Variants in SEC14L5 observed in about 807,000 individuals in gnomAD.
SEC14L5 encodes the protein SEC14 like lipid binding 5, also known as SEC14-like protein 5.
Under a neutral mutation model 84.6 loss-of-function variants are expected in SEC14L5, and 96 were observed. The observed-to-expected ratio is 1.13, with a 90% CI of 0.96 to 1.34. The LOEUF (loss-of-function observed/expected upper bound fraction) is 1.34, where lower values mean the gene tolerates loss of function less well. Among genes scored for constraint, SEC14L5 ranks in the 40% most tolerant of loss-of-function variants. The pLI is 0.00. For missense variants in SEC14L5, 1,224 were observed against 942.5 expected, an observed-to-expected ratio of 1.30 and a Z score of -3.91; for synonymous variants, 546 against 383.4, an observed-to-expected ratio of 1.42 and a Z score of -4.95.
rs1017571744 is a variant in SEC14L5, at chr16:4,972,642, C to T, written c.63+13256C>T. The stretch of plus-strand genomic sequence containing the variant: ...GGACACAATGTCTTCCAGGTTCAGC[C>T]GTGTCGTGGCAGGTGCCAGGTGCCT... On this transcript the variant is annotated intron_variant, in intron 2 of 15. Transcript: ENST00000251170. Among the ~76,000 whole-genome samples, 8 of 152,334 alleles carry T rather than the reference C, an allele frequency of 5.3e-5. No individual in the cohort carries two copies. In the South Asian group the frequency reaches 1.2e-3, roughly 24 times the overall value.
chr16:4,997,153 C>T (rs181308090), intron 8 of SEC14L5, 109 bp downstream of exon 8: 41 of 744,526 alleles, frequency 5.5e-5, no homozygotes, highest in Non-Finnish European at 7.7e-5. Context: ...GGCTGGAGTG[C>T]AGTGGTGCCA....
At chr16:4,973,680 CTTT>C (rs34324146) in intron 2 of SEC14L5, among the ~76,000 whole-genome samples, 49 of 127,068 alleles carry the variant, frequency 3.9e-4, no homozygotes, top group Admixed American at 5.6e-4. Context: ...TTCTCTGTCT[CTTT>C]TTTTTTTTTT....
At chr16:5,002,843 C>T (rs1596639661) in intron 10 of SEC14L5, among the ~76,000 whole-genome samples, 1 of 152,222 alleles carries the variant, frequency 6.6e-6, no homozygotes, top group East Asian at 1.9e-4. Context: ...AGTGCATGCT[C>T]TCAGCACCTC....
At chr16:4,992,271 G>A (rs1358578572) in intron 6 of SEC14L5, among the ~76,000 whole-genome samples, 2 of 152,034 alleles carry the variant, frequency 1.3e-5, no homozygotes, top group South Asian at 2.1e-4. Flanking sequence ...TCTTTTTTGA[G>A]ACGGAGTCCC....
At chr16:4,976,571 T>C (rs963454843) in intron 2 of SEC14L5, among the ~76,000 whole-genome samples, 7 of 152,224 alleles carry the variant, frequency 4.6e-5, no homozygotes, top group Non-Finnish European at 1.0e-4. Context: ...ATTGGGCAAG[T>C]CTGGGTGGGA....
intron 2 of SEC14L5, among the ~76,000 whole-genome samples, chr16:4,977,447 A>AG (rs1491519614): frequency 3.7e-3 from 5 of 1,336 alleles, no homozygotes; most frequent in African/African-American, 5.6e-3. Flanking sequence ...ACTCCGTCTC[A>AG]AAAAAAAAAA....
chr16:4,991,874 A>G lies in SEC14L5; in HGVS notation c.511A>G (p.Ile171Val), dbSNP rs754150576. The change falls in exon 6 of 16, where the codon ATC becomes GTC. Residue 171 changes from isoleucine to valine, a missense_variant. Ile to Val is a conservative substitution (Grantham distance 29). Coordinates refer to ENST00000251170, the MANE Select transcript of SEC14L5 (RefSeq NM_014692.2). ...EVIEHYLNEL[I>V]SQGTSHIPRW... ...GATTGAGCATTACCTGAATGAGCTC[A>G]TCTCCCAGGGTACCTCGCACATTCC... 3 of 1,609,766 alleles carry G rather than the reference A, an allele frequency of 1.9e-6. No individual in the cohort carries two copies. The highest frequency in any genetic ancestry group is 2.7e-5 in the African/African-American group (2 of 74,858).
chr16:5,011,199 G>C lies in SEC14L5; in HGVS notation c.1905G>C (p.Leu635=), dbSNP rs1015947890. The C allele has an allele frequency of 2.5e-6, 4 of 1,613,712 alleles. No homozygotes were observed. The highest frequency in any genetic ancestry group is 3.4e-6 in the Non-Finnish European group (4 of 1,179,886). Residue 635 remains leucine, a synonymous_variant, in exon 15 of 16, where the codon CTG becomes CTC. Coordinates refer to ENST00000251170, the MANE Select transcript of SEC14L5 (RefSeq NM_014692.2). The part of the protein sequence containing the change: ...ACSLPGVDDV[L]TALHSPGPKC... ...GCCTCCCGGGTGTGGACGATGTCCT[G>C]ACGGCTCTGCACAGCCCCGGGCCCA...
intron 2 of SEC14L5, among the ~76,000 whole-genome samples, chr16:4,976,908 C>T (rs373260386): frequency 5.9e-5 from 9 of 152,278 alleles, no homozygotes; most frequent in African/African-American, 1.4e-4. Flanking sequence ...GGACAGGAGC[C>T]GGCAGCTGAG....
chr16:4,967,367 C>T (rs1245756607), intron 2 of SEC14L5, among the ~76,000 whole-genome samples: 7 of 152,006 alleles, frequency 4.6e-5, no homozygotes, highest in Non-Finnish European at 1.0e-4. Context: ...CCAATGGCCT[C>T]GCTTCAACTT....
chr16:4,971,870 T>C (rs1596616546), intron 2 of SEC14L5, among the ~76,000 whole-genome samples: 1 of 152,166 alleles, frequency 6.6e-6, no homozygotes, highest in South Asian at 2.1e-4. Context: ...ATGTCCCAGG[T>C]GTTGTACAAG....
At position 5,008,603 on chromosome 16, in the gene SEC14L5, C is replaced by T. The variant is rs777068216; in HGVS notation, c.1755C>T (p.Ser585=). ...GCTGGGTCCTGGGCAGGGATTACAG[C>T]CGTGTGGAGGCTCCCCTTGTCTGCC... ...DKGWVLGRDY[S]RVEAPLVCRE... Residue 585 remains serine (S), a synonymous_variant, in exon 14 of 16, where the codon AGC becomes AGT. Transcript: ENST00000251170. 1.9e-6 allele frequency: 3 copies of T among 1,603,972 alleles called. No homozygotes were observed. Among genetic ancestry groups the T allele is most frequent in the East Asian group, 4.5e-5 (2 of 44,828 alleles).
At chr16:4,980,482 G>A (rs1249073105) in intron 2 of SEC14L5, among the ~76,000 whole-genome samples, 1 of 152,144 alleles carries the variant, frequency 6.6e-6, no homozygotes, top group African/African-American at 2.4e-5. Flanking sequence ...TCTGGCCTTT[G>A]ACTGGCTGCG....
At chr16:5,003,339 G>T in intron 10 of SEC14L5, 63 bp from the exon 11 acceptor site, 1 of 1,300,126 alleles carries the variant, frequency 7.7e-7, no homozygotes. Context: ...CCCCTGTGGG[G>T]AGGGTGTTGG....
intron 8 of SEC14L5, among the ~76,000 whole-genome samples, chr16:4,997,637 C>T (rs962823159): frequency 1.3e-5 from 2 of 152,058 alleles, no homozygotes; most frequent in African/African-American, 4.8e-5. Context: ...TTTCCAAGGG[C>T]AGTTGTAGCA....
chr16:4,959,966 C>G (rs935736645), intron 2 of SEC14L5, among the ~76,000 whole-genome samples: 1 of 152,082 alleles, frequency 6.6e-6, no homozygotes, highest in Admixed American at 6.6e-5. Context: ...GCTCACAGAC[C>G]CCCTTCCCTC....
intron 2 of SEC14L5, among the ~76,000 whole-genome samples, chr16:4,963,663 T>C (rs1955157770): frequency 1.3e-5 from 2 of 151,214 alleles, no homozygotes; most frequent in African/African-American, 4.9e-5. Flanking sequence ...CCCTTTTTTC[T>C]TTCTTTTTGA....
At chr16:4,995,232 G>A (rs1372767956) in intron 6 of SEC14L5, among the ~76,000 whole-genome samples, 2 of 152,290 alleles carry the variant, frequency 1.3e-5, no homozygotes, top group Non-Finnish European at 2.9e-5. Flanking sequence ...TGACGTCTCC[G>A]CCCACTGCTG....
At chr16:5,014,834 C>G (rs372880626) in intron 15 of SEC14L5, 25 bp from the exon 16 acceptor site, 1 of 1,574,824 alleles carries the variant, frequency 6.3e-7, no homozygotes, top group Non-Finnish European at 8.7e-7. Context: ...GAGAGGGTAA[C>G]GTGTGCCACG....
Sources: gnomAD v4.1 joint callset for allele counts (sites outside exome capture counted in the v4.1 genomes callset) on GRCh38, gnomAD v4.1.1 for gene constraint, MANE v1.5 for transcripts, NCBI Gene and HGNC (gene_info 2026-07-23, HGNC 2026-07-21) for gene names.